The following PPP1R21 variants were observed in gnomAD, a reference collection of about 807,000 sequenced individuals.
PPP1R21 encodes the protein protein phosphatase 1 regulatory subunit 21, also known as KLRAQ motif containing 1.
PPP1R21 carries 85 observed loss-of-function variants against 112.8 expected under a neutral mutation model. The observed-to-expected ratio is 0.75, with a 90% CI of 0.63 to 0.90. The LOEUF (loss-of-function observed/expected upper bound fraction) is 0.90, where lower values mean the gene tolerates loss of function less well. PPP1R21 is among the 40% of genes least tolerant of loss of function. The pLI is 0.00. For synonymous variants in PPP1R21, 381 were observed against 322.3 expected (o/e 1.18, Z -1.95); for missense variants, 1,199 against 901.5 (o/e 1.33, Z -4.23).
At chr2:48,442,347 T>C (rs921536954) in intron 1 of PPP1R21, among the ~76,000 whole-genome samples, 1 of 152,204 alleles carries the variant, frequency 6.6e-6, no homozygotes, top group Non-Finnish European at 1.5e-5. Context: ...GGGACTGATT[T>C]TCTTCTCCAG....
intron 1 of PPP1R21, among the ~76,000 whole-genome samples, chr2:48,450,670 A>G (rs1223183065): frequency 6.6e-6 from 1 of 152,134 alleles, no homozygotes; most frequent in African/African-American, 2.4e-5. Context: ...TCAGTACCAT[A>G]TTATTTATTG....
chr2:48,443,436 T>G (rs1290863291), intron 1 of PPP1R21, among the ~76,000 whole-genome samples: 3 of 152,224 alleles, frequency 2.0e-5, no homozygotes, highest in Non-Finnish European at 1.5e-5. Flanking sequence ...GGACATGGAC[T>G]GGCTAAAAGT....
At chr2:48,470,919 C>G (rs1201362203) in intron 9 of PPP1R21, among the ~76,000 whole-genome samples, 168 bp from the exon 10 acceptor site, 2 of 152,062 alleles carry the variant, frequency 1.3e-5, no homozygotes, top group African/African-American at 4.8e-5. Context: ...GCTTTTAAAC[C>G]AAATTTCCAA....
chr2:48,513,887 C>G (rs1237408647), intron 21 of PPP1R21, among the ~76,000 whole-genome samples: 1 of 151,998 alleles, frequency 6.6e-6, no homozygotes, highest in Admixed American at 6.6e-5. Flanking sequence ...CTAGAAAATC[C>G]AAATCTCCGT....
Position 48,491,051 on chromosome 2 carries a change from T to A in PPP1R21, c.1480T>A (p.Phe494Ile), listed in dbSNP as rs759441810. 1.9e-6 allele frequency: 3 copies of A among 1,614,032 alleles called. No homozygotes were observed. The highest frequency in any genetic ancestry group is 2.5e-6 in the Non-Finnish European group (3 of 1,179,974). ...ASFFSNNLDY[F>I]IASLSYGPKA... is the part of the protein sequence containing the mutation. ...CTTCTTCAGCAACAATTTGGACTAC[T>A]TCATTGCTTCACTGAGCTATGGACC... Residue 494 changes from phenylalanine (F) to isoleucine (I), a missense_variant, in exon 15 of 22, where the codon TTC becomes ATC. Coordinates refer to ENST00000294952, the MANE Select transcript of PPP1R21 (RefSeq NM_001135629.3).
In PPP1R21 at chr2:48,469,481, T is replaced by G. The variant is rs868499737; in HGVS notation, c.898-1606T>G. ...TATATATATAGAGCATATATATATA[T>G]ATAGAGCATATATATATATATATAG... is the stretch of plus-strand genomic sequence containing the variant. On this transcript the variant is annotated intron_variant, in intron 9 of 21. Coordinates refer to ENST00000294952, the MANE Select transcript of PPP1R21 (RefSeq NM_001135629.3). 2.1e-4 allele frequency among the ~76,000 whole-genome samples: 16 copies of G among 75,718 alleles called. 1 individual carries two copies. The highest frequency in any genetic ancestry group is 6.5e-4 in the South Asian group (2 of 3,070). 49.7% of individuals were successfully genotyped at this position (75,718 alleles called of 152,430 possible). A position where few individuals can be genotyped will look rare whatever the true frequency, so the allele number is the denominator to read the frequency against.
chr2:48,466,616 T>C (rs995730174), intron 9 of PPP1R21, among the ~76,000 whole-genome samples: 1 of 152,094 alleles, frequency 6.6e-6, no homozygotes, highest in Non-Finnish European at 1.5e-5. Flanking sequence ...GAGGTCACTG[T>C]AGGTGGTAAT....
At position 48,510,129 on chromosome 2, in the gene PPP1R21, C is replaced by A; in HGVS notation, c.2184+16C>A. The A allele has an allele frequency of 2.5e-6, 4 of 1,584,716 alleles. No homozygotes were observed. The highest frequency in any genetic ancestry group is 1.1e-5 in the South Asian group (1 of 89,004). On this transcript the variant is annotated intron_variant, in intron 20 of 21. Coordinates refer to ENST00000294952, the MANE Select transcript of PPP1R21 (RefSeq NM_001135629.3). ...CAGACTTCAGGTGAGTTAAGTGTTA[C>A]CTGAATGGTTTTAATGTTTTTTCAT...
chr2:48,444,475 T>C (rs1356483749), intron 1 of PPP1R21, among the ~76,000 whole-genome samples: 1 of 152,230 alleles, frequency 6.6e-6, no homozygotes, highest in East Asian at 1.9e-4. Flanking sequence ...TGTATCTCAT[T>C]ATGGAGAAGA....
chr2:48,441,117 G>A, intron 1 of PPP1R21, 107 bp downstream of exon 1: 1 of 768,966 alleles, frequency 1.3e-6, no homozygotes, highest in Middle Eastern at 2.6e-4. Context: ...GCACGCGAGC[G>A]CGCCCCACCT....
At position 48,454,584 on chromosome 2, in the gene PPP1R21, C is replaced by A; in HGVS notation, c.127-11C>A. 1 of 1,613,930 alleles carries A rather than the reference C, an allele frequency of 6.2e-7. No homozygotes were observed. The highest frequency in any genetic ancestry group is 8.5e-7 in the Non-Finnish European group (1 of 1,179,894). Reference sequence around the variant, plus strand: ...AACTGTGAGGACCAATCTGTTTTCACTTTGATATAGGAGCAACTGAAAATG... The same window carrying A: ...AACTGTGAGGACCAATCTGTTTTCAATTTGATATAGGAGCAACTGAAAATG... On this transcript the variant is annotated splice_polypyrimidine_tract_variant and intron_variant, in intron 2 of 21. Transcript: ENST00000294952.
intron 16 of PPP1R21, among the ~76,000 whole-genome samples, chr2:48,496,396 G>A (rs1249761832): frequency 2.0e-5 from 3 of 151,900 alleles, no homozygotes; most frequent in African/African-American, 7.3e-5. Flanking sequence ...TAGAGGTGTT[G>A]CCCCATACCC....
At chr2:48,481,607 A>G (rs1456368166) in intron 13 of PPP1R21, among the ~76,000 whole-genome samples, 1 of 152,206 alleles carries the variant, frequency 6.6e-6, no homozygotes, top group African/African-American at 2.4e-5. Context: ...GCTGGGTGCA[A>G]TAGCTGACGC....
chr2:48,488,909 G>T (rs1424799137), intron 14 of PPP1R21, among the ~76,000 whole-genome samples: 1 of 152,094 alleles, frequency 6.6e-6, no homozygotes, highest in African/African-American at 2.4e-5. Flanking sequence ...AAAAAGAAAA[G>T]AAACCTCACA....
chr2:48,485,061 G>C (rs182894389), intron 13 of PPP1R21, among the ~76,000 whole-genome samples: 58 of 152,238 alleles, frequency 3.8e-4, no homozygotes, highest in African/African-American at 1.3e-3. Context: ...AGTACTTACA[G>C]ACTGTTGGTG....
rs765219946 is a variant in PPP1R21, at chr2:48,479,951, C to G, written c.1253C>G (p.Thr418Arg). 1.9e-5 allele frequency: 30 copies of G among 1,612,514 alleles called. No individual in the cohort carries two copies. The highest frequency in any genetic ancestry group is 2.4e-5 in the Non-Finnish European group (28 of 1,178,534). ...PSTEPDGLLR[T>R]NYSSVLTNVG... ...ACAGAGCCAGATGGACTCCTTCGGA[C>G]AAACTACAGTTCTGTGTTAACAAAT... Residue 418 changes from threonine (T) to arginine (R), a missense_variant, in exon 13 of 22, where the codon ACA (threonine) becomes AGA (arginine). Coordinates refer to ENST00000294952, the MANE Select transcript of PPP1R21 (RefSeq NM_001135629.3).
chr2:48,474,580 A>C, intron 11 of PPP1R21, 103 bp from the exon 12 acceptor site: 3 of 1,040,704 alleles, frequency 2.9e-6, no homozygotes, highest in Non-Finnish European at 4.2e-6. Flanking sequence ...TTTTTCTGCA[A>C]TATCTCTCTT....
rs748018707 is a variant in PPP1R21, at chr2:48,460,107, A to T, written c.553A>T (p.Thr185Ser). The change falls in exon 6 of 22, where the codon ACT (threonine) becomes TCT (serine). Residue 185 changes from threonine (T) to serine (S), a missense_variant. Physicochemically the swap from Thr to Ser is moderately conservative, Grantham distance 58. Coordinates refer to ENST00000294952, the MANE Select transcript of PPP1R21 (RefSeq NM_001135629.3). ...DKAKLEVKSQ[T>S]LEKEAKECRL... ...TTCTGAAATTCAGGTGAAATCTCAG[A>T]CTCTAGAAAAGGAAGCCAAGGAATG... The T allele has an allele frequency of 6.2e-7, 1 of 1,613,956 alleles. No homozygotes were observed. The highest frequency in any genetic ancestry group is 1.3e-5 in the African/African-American group (1 of 74,884).
chr2:48,490,673 T>C (rs1669522279), intron 14 of PPP1R21, among the ~76,000 whole-genome samples: 1 of 152,188 alleles, frequency 6.6e-6, no homozygotes, highest in Admixed American at 6.5e-5. Flanking sequence ...AATCCGAACA[T>C]GGATATTTTG....
Sources: gnomAD v4.1 joint callset for allele counts (sites outside exome capture counted in the v4.1 genomes callset) on GRCh38, gnomAD v4.1.1 for gene constraint, MANE v1.5 for transcripts, NCBI Gene and HGNC (gene_info 2026-07-23, HGNC 2026-07-21) for gene names.